OVCH2: variants seen among roughly 807,000 people sequenced by gnomAD.
The protein encoded by OVCH2 is ovochymase-2.
A neutral mutation model predicts 73.7 loss-of-function variants in OVCH2; 88 were observed. That is an observed-to-expected ratio of 1.19 (90% confidence interval 1.01 to 1.43). The LOEUF (loss-of-function observed/expected upper bound fraction) is 1.43. Ranked by LOEUF, OVCH2 falls within the 40% of genes most tolerant of loss-of-function variation. The pLI is 0.00. For synonymous variants in OVCH2, 265 were observed against 234.5 expected (o/e 1.13, Z -1.19); for missense variants, 706 against 674.5 (o/e 1.05, Z -0.52).
rs4365041 is a variant in OVCH2 at position 7,689,511 on chromosome 11, A to T, written c.*123T>A. ...GTCCAAGATCAACGTGTCAGCAGGG[A>T]TGGCTCTGTCTGAGGGCTGTGACGA... On this transcript the variant is annotated 3_prime_UTR_variant, in exon 16 of 16. Transcript: ENST00000533663. 0.77 allele frequency: 303,461 copies of T among 392,418 alleles called. 118,087 individuals carry two copies. The highest frequency in any genetic ancestry group is 0.81 in the Non-Finnish European group (157,132 of 195,114). 24.3% of individuals were successfully genotyped at this position (392,418 alleles called of 1,614,324 possible). A position where few individuals can be genotyped will look rare whatever the true frequency, so the allele number is the denominator to read the frequency against.
downstream of OVCH2, among the ~76,000 whole-genome samples, chr11:7,684,902 G>A (rs1856126537): frequency 1.3e-5 from 2 of 152,162 alleles, no homozygotes; most frequent in South Asian, 4.1e-4. Context: ...GAACATCGTG[G>A]TGTCTGTCTC....
At chr11:7,689,710 G>GTTT in intron 15 of OVCH2, 108 bp from the exon 16 acceptor site, 1 of 643,878 alleles carries the variant, frequency 1.6e-6, no homozygotes, top group African/African-American at 1.8e-5. Context: ...AAGGACACTA[G>GTTT]TCATACTGGA....
At chr11:7,694,971 A>T in intron 12 of OVCH2, 87 bp downstream of exon 12, 5 of 1,433,998 alleles carry the variant, frequency 3.5e-6, no homozygotes, top group Non-Finnish European at 4.7e-6. Flanking sequence ...CAGTGAATAA[A>T]TCAGATAAAA....
intron 7 of OVCH2, 74 bp downstream of exon 7, chr11:7,700,222 C>A (rs1275870890): frequency 1.4e-6 from 2 of 1,462,820 alleles, no homozygotes; most frequent in East Asian, 2.3e-5. Flanking sequence ...CTCTGATTTG[C>A]CAGGACTCTG....
chr11:7,687,936 A>G (rs1856160883), downstream of OVCH2, among the ~76,000 whole-genome samples: 2 of 152,082 alleles, frequency 1.3e-5, no homozygotes, highest in African/African-American at 2.4e-5. Context: ...GTCTCTTCTT[A>G]TAAAGGTACT....
the OVCH2 span, among the ~76,000 whole-genome samples, chr11:7,682,290 A>G: frequency 6.6e-6 from 1 of 152,234 alleles, no homozygotes; most frequent in African/African-American, 2.4e-5. Context: ...AATCCAGCCT[A>G]GTGTTCTTCC....
chr11:7,682,264 T>C, the OVCH2 span, among the ~76,000 whole-genome samples: 2 of 152,246 alleles, frequency 1.3e-5, no homozygotes, highest in East Asian at 1.9e-4. Context: ...AGCTGGGACA[T>C]AAGCCCATGT....
In OVCH2 at chr11:7,695,174, A is replaced by G. The variant is rs773685668; in HGVS notation, c.1297T>C (p.Tyr433His). The part of the protein sequence containing the change: ...PNYIPDSGCS[Y>H]LTVLFEEGLI... ...CCTTCTTCAAAAAGGACAGTTAAGT[A>G]ACTGCAACCTGAATCTGAAACGTAA... Residue 433 changes from tyrosine (Y) to histidine (H), a missense_variant, in exon 12 of 16, where the codon TAC becomes CAC. Tyr to His is a moderately conservative substitution (Grantham distance 83). Coordinates refer to ENST00000533663, the MANE Select transcript of OVCH2 (RefSeq NM_198185.7). 7.7e-6 allele frequency: 12 copies of G among 1,558,620 alleles called. No individual in the cohort carries two copies. The highest frequency in any genetic ancestry group is 9.5e-6 in the Non-Finnish European group (11 of 1,152,562).
downstream of OVCH2, among the ~76,000 whole-genome samples, chr11:7,684,921 G>GTC (rs1282699760): frequency 5.3e-5 from 8 of 152,104 alleles, no homozygotes; most frequent in South Asian, 2.1e-4. Context: ...TCTTGCATTT[G>GTC]TCTCTCTCTC....
At chr11:7,682,568 AT>A in the OVCH2 span, among the ~76,000 whole-genome samples, 1 of 152,118 alleles carries the variant, frequency 6.6e-6, no homozygotes, top group African/African-American at 2.4e-5. Flanking sequence ...GAAAACATAC[AT>A]TTTTCCTCTG....
At chr11:7,696,822 T>G (rs756087945) in intron 8 of OVCH2, 23 bp from the exon 9 acceptor site, 7 of 1,588,272 alleles carry the variant, frequency 4.4e-6, no homozygotes, top group Non-Finnish European at 5.1e-6. Context: ...GCCAGGAGAG[T>G]CAGGGTTAGT....
the OVCH2 span, among the ~76,000 whole-genome samples, chr11:7,682,405 T>C: frequency 3.3e-5 from 5 of 152,202 alleles, no homozygotes; most frequent in African/African-American, 1.2e-4. Context: ...AAGCTCCCCA[T>C]TTTCAGCTGG....
At chr11:7,701,933 T>C in intron 4 of OVCH2, 122 bp from the exon 5 acceptor site, 1 of 887,214 alleles carries the variant, frequency 1.1e-6, no homozygotes, top group Non-Finnish European at 1.8e-6. Context: ...TAGCTCTGCC[T>C]GGCACCTCCA....
intron 6 of OVCH2, among the ~76,000 whole-genome samples, 155 bp downstream of exon 6, chr11:7,701,169 T>C (rs1856430291): frequency 6.6e-6 from 1 of 152,186 alleles, no homozygotes; most frequent in South Asian, 2.1e-4. Flanking sequence ...ACTAACTATT[T>C]GACCCTTATA....
the OVCH2 span, among the ~76,000 whole-genome samples, chr11:7,679,871 C>T: frequency 6.6e-6 from 1 of 152,104 alleles, no homozygotes; most frequent in Non-Finnish European, 1.5e-5. Flanking sequence ...TCCATAAATA[C>T]CTCAAAGGGC....
intron 12 of OVCH2, among the ~76,000 whole-genome samples, chr11:7,694,831 T>C (rs1197803682): frequency 2.0e-5 from 2 of 100,804 alleles, no homozygotes; most frequent in Non-Finnish European, 4.1e-5. Context: ...TTTTTTAAAG[T>C]AAGGAGCACA....
chr11:7,696,827 G>T, intron 8 of OVCH2, 28 bp from the exon 9 acceptor site: 1 of 1,583,172 alleles, frequency 6.3e-7, no homozygotes, highest in South Asian at 1.1e-5. Flanking sequence ...GAGAGTCAGG[G>T]TTAGTTATGC....
Position 7,701,372 on chromosome 11 carries a change from C to T in OVCH2, c.663G>A (p.Lys221=), listed in dbSNP as rs1189813633. The change falls in exon 6 of 16, where the codon AAG becomes AAA. Residue 221 remains lysine, a synonymous_variant. Transcript: ENST00000533663. ...CAGGAAAACCTGTGCAAAGAAAGGT[C>T]TTCCCACTGATGGGCCTCTTTAGTG... ...LLTLKRPISG[K]TFLCTGFPDG... The T allele has an allele frequency of 1.2e-6, 2 of 1,613,372 alleles. No homozygotes were observed. The highest frequency in any genetic ancestry group is 1.7e-5 in the Admixed American group (1 of 59,936).
chr11:7,684,371 T>G, the OVCH2 span, among the ~76,000 whole-genome samples: 19 of 152,180 alleles, frequency 1.2e-4, no homozygotes, highest in East Asian at 3.7e-3. Flanking sequence ...GTGAGCATCT[T>G]GACACAGTTG....
Sources: gnomAD v4.1 joint callset for allele counts (sites outside exome capture counted in the v4.1 genomes callset) on GRCh38, gnomAD v4.1.1 for gene constraint, MANE v1.5 for transcripts, NCBI Gene and HGNC (gene_info 2026-07-23, HGNC 2026-07-21) for gene names.